SFXN5: variants seen among roughly 807,000 people sequenced by gnomAD.
SFXN5 encodes sideroflexin 5, also known as sideroflexin-5.
SFXN5 carries 43 observed loss-of-function variants against 50.2 expected under a neutral mutation model. The ratio of observed to expected loss-of-function variants is 0.86; its 90% CI spans 0.67 to 1.11. SFXN5 has a LOEUF of 1.11. Ranked by LOEUF, SFXN5 falls within the 50% of genes least tolerant of loss-of-function variation. The probability of loss-of-function intolerance (pLI) is 0.00; values close to 1 mark genes in which losing one functional copy is unlikely to be tolerated. For synonymous variants in SFXN5, 203 were observed against 185.8 expected, an observed-to-expected ratio of 1.09 and a Z score of -0.75; for missense variants, 463 against 454.1, an observed-to-expected ratio of 1.02 and a Z score of -0.18.
intron 2 of SFXN5, among the ~76,000 whole-genome samples, chr2:73,048,459 A>G (rs894916835): frequency 6.6e-6 from 1 of 152,182 alleles, no homozygotes; most frequent in East Asian, 1.9e-4. Context: ...CAGGTGATCC[A>G]CCTGCCTCAG....
chr2:73,060,857 G>A lies in SFXN5; in HGVS notation c.103-2261C>T, dbSNP rs530648384. ...TGTGACTACAGGCCAGTGACACCAC[G>A]CCCGGCTTATTTTTTTTGTATTTTT... On this transcript the variant is annotated intron_variant, in intron 1 of 13. Coordinates refer to ENST00000272433, the MANE Select transcript of SFXN5 (RefSeq NM_144579.3). Among the ~76,000 whole-genome samples, 12 of 151,992 alleles carry A rather than the reference G, an allele frequency of 7.9e-5. No individual in the cohort carries two copies. In the South Asian group the frequency reaches 1.5e-3, roughly 18 times the overall value.
chr2:73,057,170 A>C (rs1019804310), intron 2 of SFXN5, among the ~76,000 whole-genome samples: 1 of 152,054 alleles, frequency 6.6e-6, no homozygotes, highest in African/African-American at 2.4e-5. Context: ...ATAGGGTCTC[A>C]CTCTGTTACT....
intron 3 of SFXN5, 56 bp downstream of exon 3, chr2:73,040,798 T>G: frequency 7.0e-7 from 1 of 1,437,542 alleles, no homozygotes; most frequent in Non-Finnish European, 9.6e-7. Flanking sequence ...GGTTTGTGAA[T>G]TTCTCACTTT....
chr2:73,010,502 G>T (rs1442758635), intron 6 of SFXN5, among the ~76,000 whole-genome samples: 1 of 152,210 alleles, frequency 6.6e-6, no homozygotes, highest in Non-Finnish European at 1.5e-5. Flanking sequence ...TGATGATATT[G>T]TGGGGGTCCT....
chr2:72,970,757 G>A (rs974692421), intron 11 of SFXN5, among the ~76,000 whole-genome samples: 2 of 151,700 alleles, frequency 1.3e-5, no homozygotes, highest in Non-Finnish European at 2.9e-5. Flanking sequence ...ATGTGATCTC[G>A]GCTCACTGCA....
intron 4 of SFXN5, 47 bp from the exon 5 acceptor site, chr2:73,022,623 G>A (rs1559166679): frequency 1.2e-5 from 9 of 722,864 alleles, no homozygotes; most frequent in Non-Finnish European, 2.2e-5. Context: ...GGGGTGTAGG[G>A]AGGGGGAAGG....
intron 7 of SFXN5, 128 bp from the exon 8 acceptor site, chr2:73,000,615 C>T: frequency 1.2e-6 from 1 of 859,068 alleles, no homozygotes; most frequent in Non-Finnish European, 1.8e-6. Context: ...ATGGTGCCGC[C>T]CATGCTGCCG....
chr2:72,958,788 G>A (rs747072935), intron 13 of SFXN5, among the ~76,000 whole-genome samples: 2 of 152,114 alleles, frequency 1.3e-5, no homozygotes, highest in Non-Finnish European at 2.9e-5. Context: ...AGGGTGAGAG[G>A]TGGGGGAAGG....
At chr2:72,982,684 C>G (rs1275757813) in intron 10 of SFXN5, among the ~76,000 whole-genome samples, 1 of 152,170 alleles carries the variant, frequency 6.6e-6, no homozygotes, top group Non-Finnish European at 1.5e-5. Context: ...GGCTGGGACT[C>G]CCAGCGAGGG....
chr2:73,000,383 C>G, intron 8 of SFXN5, 48 bp downstream of exon 8: 1 of 1,534,068 alleles, frequency 6.5e-7, no homozygotes, highest in Non-Finnish European at 8.8e-7. Flanking sequence ...GATGACTGGG[C>G]CTCCCTAGCC....
chr2:72,970,684 A>G (rs529498076), intron 11 of SFXN5, among the ~76,000 whole-genome samples: 1 of 151,060 alleles, frequency 6.6e-6, no homozygotes, highest in Non-Finnish European at 1.5e-5. Context: ...ACATGGACTC[A>G]TGGACTGCGT....
At chr2:73,026,247 C>T (rs1677539645) in intron 3 of SFXN5, among the ~76,000 whole-genome samples, 1 of 151,264 alleles carries the variant, frequency 6.6e-6, no homozygotes, top group African/African-American at 2.4e-5. Context: ...TGTGCCTCAG[C>T]CTCCCCAGTA....
intron 2 of SFXN5, 93 bp from the exon 3 acceptor site, chr2:73,041,024 C>T (rs1679562182): frequency 1.1e-6 from 1 of 951,064 alleles, no homozygotes; most frequent in Middle Eastern, 2.4e-4. Flanking sequence ...CAAATACTGC[C>T]AGTGCAAGGC....
intron 2 of SFXN5, among the ~76,000 whole-genome samples, chr2:73,052,359 C>CGT (rs59839344): frequency 0.055 from 7,791 of 142,342 alleles, 241 homozygotes; most frequent in Non-Finnish European, 0.082. Flanking sequence ...TGTGTGTATG[C>CGT]GTGTGTGTGT....
At chr2:73,006,756 A>T (rs1224621296) in intron 6 of SFXN5, among the ~76,000 whole-genome samples, 3 of 152,216 alleles carry the variant, frequency 2.0e-5, no homozygotes, top group Non-Finnish European at 4.4e-5. Flanking sequence ...TGTTCTTTCT[A>T]GTCCAAAATT....
intron 2 of SFXN5, among the ~76,000 whole-genome samples, chr2:73,055,374 A>G (rs62147756): frequency 0.14 from 21,358 of 152,288 alleles, 1,776 homozygotes; most frequent in East Asian, 0.36. Context: ...CTTAACTTCC[A>G]GTCTGTCCTT....
At chr2:73,032,168 T>C (rs1382993660) in intron 3 of SFXN5, among the ~76,000 whole-genome samples, 1 of 152,170 alleles carries the variant, frequency 6.6e-6, no homozygotes, top group East Asian at 1.9e-4. Context: ...AGGATCATCC[T>C]AGGGTGTCAA....
intron 4 of SFXN5, among the ~76,000 whole-genome samples, chr2:73,022,806 A>G (rs558041791): frequency 6.6e-6 from 1 of 152,298 alleles, no homozygotes; most frequent in Non-Finnish European, 1.5e-5. Context: ...ATAAACAGAT[A>G]GCACCACTCC....
At chr2:73,007,517 C>T (rs758058511) in intron 6 of SFXN5, among the ~76,000 whole-genome samples, 2 of 152,068 alleles carry the variant, frequency 1.3e-5, no homozygotes, top group African/African-American at 2.4e-5. Flanking sequence ...TCTCCGGCAC[C>T]CTGCATGCCT....
Sources: gnomAD v4.1 joint callset for allele counts (sites outside exome capture counted in the v4.1 genomes callset) on GRCh38, gnomAD v4.1.1 for gene constraint, MANE v1.5 for transcripts, NCBI Gene and HGNC (gene_info 2026-07-23, HGNC 2026-07-21) for gene names.